The following PRMT8 variants were observed in gnomAD, a reference collection of about 807,000 sequenced individuals.
PRMT8 encodes protein arginine N-methyltransferase 8.
Under a neutral mutation model 47.1 loss-of-function variants are expected in PRMT8, and 7 were observed. The observed-to-expected ratio is 0.15, with a 90% CI of 0.08 to 0.28. The LOEUF (loss-of-function observed/expected upper bound fraction) is 0.28, where lower values mean the gene tolerates loss of function less well. Among genes scored for constraint, PRMT8 ranks in the 10% least tolerant of loss-of-function variants. PRMT8 has a pLI of 1.00. For missense variants in PRMT8, 237 were observed against 505.4 expected, an observed-to-expected ratio of 0.47 and a Z score of 5.09; for synonymous variants, 188 against 186.5, an observed-to-expected ratio of 1.01 and a Z score of -0.07.
chr12:3,562,286 C>T (rs527258313), intron 4 of PRMT8, among the ~76,000 whole-genome samples: 86 of 152,258 alleles, frequency 5.6e-4, no homozygotes, highest in Non-Finnish European at 1.1e-3. Flanking sequence ...CCTAACAGCT[C>T]GAGAAACAAC....
At chr12:3,423,161 G>T (rs1864562518) in intron 1 of PRMT8, among the ~76,000 whole-genome samples, 1 of 152,150 alleles carries the variant, frequency 6.6e-6, no homozygotes, top group African/African-American at 2.4e-5. Context: ...TGCCAATTTT[G>T]TCATATCTCT....
rs1457261281 is a variant in PRMT8, at chr12:3,436,582, A to G, written c.48+55140A>G. 6.6e-6 allele frequency among the ~76,000 whole-genome samples: 1 copy of G among 152,154 alleles called. No individual in the cohort carries two copies. Among genetic ancestry groups the G allele is most frequent in the Admixed American group, 6.5e-5 (1 of 15,270 alleles). ...ACCAGTAATTTTTCTAAGAGGAGGC[A>G]GGAATGCGGCCGACTGGGCTCCACT... On this transcript the variant is annotated intron_variant, in intron 1 of 9. Coordinates refer to the PRMT8 transcript ENST00000452611. The surrounding 1 kb of genome is among the most constrained non-coding windows in gnomAD (Gnocchi z 4.2).
intron 1 of PRMT8, among the ~76,000 whole-genome samples, chr12:3,539,007 G>A (rs767293814): frequency 7.2e-5 from 11 of 152,186 alleles, no homozygotes; most frequent in Admixed American, 1.3e-4. Flanking sequence ...TTGGGACTGC[G>A]CGGAGTGATT....
chr12:3,457,827 G>C (rs1270015307), intron 1 of PRMT8, among the ~76,000 whole-genome samples: 1 of 147,650 alleles, frequency 6.8e-6, no homozygotes, highest in African/African-American at 2.5e-5. Flanking sequence ...TTTTGCTTTA[G>C]GTCTTTCCAG....
chr12:3,397,803 C>T (rs886412283), intron 1 of PRMT8, among the ~76,000 whole-genome samples: 11 of 152,168 alleles, frequency 7.2e-5, no homozygotes, highest in African/African-American at 2.7e-4. Flanking sequence ...GGCGCCCCTC[C>T]CCCAGCCTCG....
rs1469582715 is a variant in PRMT8 at position 3,508,047 on chromosome 12, C to A, written c.75+16347C>A. ...TTTCATCCCTGTGGGATTATAAATCCCATTTTATAGGCTGGCCATGAGGAT... is the reference window on the plus strand; with the variant it reads ...TTTCATCCCTGTGGGATTATAAATCACATTTTATAGGCTGGCCATGAGGAT... On this transcript the variant is annotated intron_variant, in intron 1 of 9. Coordinates refer to ENST00000382622, the MANE Select transcript of PRMT8 (RefSeq NM_019854.5). This position sits in a 1 kb window ranked among gnomAD's most constrained non-coding sequence, Gnocchi z 4.9. Among the ~76,000 whole-genome samples the A allele has an allele frequency of 1.3e-5, 2 of 152,012 alleles. No individual in the cohort carries two copies. The highest frequency in any genetic ancestry group is 4.8e-5 in the African/African-American group (2 of 41,358).
intron 2 of PRMT8, among the ~76,000 whole-genome samples, chr12:3,547,843 G>A (rs1452148302): frequency 6.6e-6 from 1 of 152,084 alleles, no homozygotes; most frequent in Admixed American, 6.5e-5. Flanking sequence ...TCCCCAAATT[G>A]ATCTATAGAT....
chr12:3,395,867 C>G (rs544580754), intron 1 of PRMT8, among the ~76,000 whole-genome samples: 3 of 152,172 alleles, frequency 2.0e-5, no homozygotes, highest in East Asian at 1.9e-4. Context: ...GTAGGTCACT[C>G]AGGACTTGCT....
chr12:3,540,111 C>A (rs924683220), intron 1 of PRMT8, among the ~76,000 whole-genome samples: 1 of 152,078 alleles, frequency 6.6e-6, no homozygotes, highest in African/African-American at 2.4e-5. Flanking sequence ...AGGCAGGGAC[C>A]ATTTTATTCC....
At chr12:3,531,123 T>C (rs1866024530) in intron 1 of PRMT8, among the ~76,000 whole-genome samples, 1 of 152,144 alleles carries the variant, frequency 6.6e-6, no homozygotes, top group Admixed American at 6.5e-5. Flanking sequence ...ACAGGGATGA[T>C]TTGACCCAAA....
upstream of PRMT8, among the ~76,000 whole-genome samples, chr12:3,489,156 T>C (rs1248403415): frequency 6.6e-6 from 1 of 152,084 alleles, no homozygotes; most frequent in African/African-American, 2.4e-5. Context: ...CCACTCCCCA[T>C]TCCAAAGGGA....
rs1423624078 is a variant in PRMT8 at position 3,549,978 on chromosome 12, T to G, written c.304T>G (p.Ser102Ala). Residue 102 changes from serine to alanine, a missense_variant, in exon 3 of 10, where the codon TCC (serine) becomes GCC (alanine). Transcript: ENST00000382622. The stretch of plus-strand genomic sequence containing the variant: ...GGTGCGGACTCTCACTTACCGGAAC[T>G]CCATGTACCACAACAAGCACGTGTT... ...DEVRTLTYRN[S>A]MYHNKHVFKD... is the part of the protein sequence containing the mutation. The G allele has an allele frequency of 1.9e-6, 3 of 1,614,080 alleles. No homozygotes were observed. Among genetic ancestry groups the G allele is most frequent in the East Asian group, 2.2e-5 (1 of 44,902 alleles).
chr12:3,471,794 CT>C (rs1865165476), intron 1 of PRMT8, among the ~76,000 whole-genome samples: 1 of 152,052 alleles, frequency 6.6e-6, no homozygotes, highest in Non-Finnish European at 1.5e-5. Context: ...CAAGACACAA[CT>C]GGGCTGGAGG....
chr12:3,452,460 CAGAT>C (rs1864929945), intron 1 of PRMT8, among the ~76,000 whole-genome samples: 1 of 152,116 alleles, frequency 6.6e-6, no homozygotes, highest in Non-Finnish European at 1.5e-5. Context: ...ATTTTCCCAC[CAGAT>C]AGATCCGAGA....
intron 1 of PRMT8, among the ~76,000 whole-genome samples, chr12:3,461,353 C>T (rs1865039028): frequency 6.6e-6 from 1 of 152,080 alleles, no homozygotes; most frequent in Non-Finnish European, 1.5e-5. Flanking sequence ...TATGAGCTGG[C>T]CTGAAGATTT....
In PRMT8 at chr12:3,493,997, C is replaced by T. The variant is rs73260092; in HGVS notation, c.75+2297C>T. 0.032 allele frequency among the ~76,000 whole-genome samples: 4,907 copies of T among 152,318 alleles called. 239 individuals are homozygous for T. Among genetic ancestry groups the T allele is most frequent in the African/African-American group, 0.11 (4,551 of 41,552 alleles). On this transcript the variant is annotated intron_variant, in intron 1 of 9. Coordinates refer to ENST00000382622, the MANE Select transcript of PRMT8 (RefSeq NM_019854.5). This position sits in a 1 kb window ranked among gnomAD's most constrained non-coding sequence, Gnocchi z 8.2. ...GCAGCGTGACAATCACTTGGTTTCC[C>T]TCCAGGAACTGGCTGTTTTTGGAAT...
chr12:3,440,915 C>T (rs1279964728), intron 1 of PRMT8, among the ~76,000 whole-genome samples: 1 of 152,122 alleles, frequency 6.6e-6, no homozygotes, highest in African/African-American at 2.4e-5. Flanking sequence ...GCCTTAAACC[C>T]CCCAATTCTC....
At position 3,409,012 on chromosome 12, in the gene PRMT8, C is replaced by T. The variant is rs924451932; in HGVS notation, c.48+27570C>T. On this transcript the variant is annotated intron_variant, in intron 1 of 9. Coordinates refer to the PRMT8 transcript ENST00000452611. This position sits in a 1 kb window ranked among gnomAD's most constrained non-coding sequence, Gnocchi z 4.4. ...TTGGTGTTGGGTTAGACATGGCCCA[C>T]GAGTGGCTGCAGTGGTGCTGGGTTC... Among the ~76,000 whole-genome samples the T allele has an allele frequency of 2.6e-5, 4 of 152,292 alleles. No individual in the cohort carries two copies. Among genetic ancestry groups the T allele is most frequent in the South Asian group, 2.1e-4 (1 of 4,826 alleles).
chr12:3,420,718 A>G (rs996034779), intron 1 of PRMT8, among the ~76,000 whole-genome samples: 4 of 152,206 alleles, frequency 2.6e-5, no homozygotes, highest in Non-Finnish European at 5.9e-5. Flanking sequence ...GCTTTCTTCC[A>G]TGCTTTCTAG....
Sources: allele counts gnomAD v4.1 joint callset (sites outside exome capture counted in the v4.1 genomes callset), GRCh38; gene constraint gnomAD v4.1.1; non-coding constraint Gnocchi (gnomAD v3.1); transcripts MANE v1.5; gene names NCBI Gene and HGNC (gene_info 2026-07-23, HGNC 2026-07-21).